Variants in LARP1B observed in about 807,000 individuals in gnomAD.
The protein encoded by LARP1B is La ribonucleoprotein 1B.
In LARP1B, 76 loss-of-function variants were observed where a neutral mutation model predicts 114.2. The ratio of observed to expected loss-of-function variants is 0.67; its 90% CI spans 0.55 to 0.81. LARP1B has a LOEUF of 0.81. Ranked by LOEUF, LARP1B falls within the 30% of genes least tolerant of loss-of-function variation. The pLI, the probability that LARP1B is intolerant of heterozygous loss-of-function variation, is 0.00. For missense variants in LARP1B, 1,014 were observed against 1,075.8 expected, an observed-to-expected ratio of 0.94 and a Z score of 0.80; for synonymous variants, 345 against 348.0, an observed-to-expected ratio of 0.99 and a Z score of 0.10.
At chr4:128,070,957 G>A (rs1765062013) in intron 1 of LARP1B, among the ~76,000 whole-genome samples, 1 of 152,066 alleles carries the variant, frequency 6.6e-6, no homozygotes, top group South Asian at 2.1e-4. Context: ...TTTCTCTAGG[G>A]TAGATGCTGA....
chr4:128,088,025 T>C (rs1380777567), intron 5 of LARP1B, among the ~76,000 whole-genome samples: 1 of 151,856 alleles, frequency 6.6e-6, no homozygotes, highest in Non-Finnish European at 1.5e-5. Context: ...GACAAAGTTA[T>C]ACAGAACAAC....
intron 7 of LARP1B, among the ~76,000 whole-genome samples, chr4:128,222,085 TTTAA>T (rs1760078731): frequency 6.6e-6 from 1 of 152,190 alleles, no homozygotes; most frequent in Non-Finnish European, 1.5e-5. Context: ...CTTAAAACAT[TTTAA>T]TTAGTAAGGA....
intron 11 of LARP1B, among the ~76,000 whole-genome samples, chr4:128,133,070 A>G (rs2150124301): frequency 6.6e-6 from 1 of 152,296 alleles, no homozygotes; most frequent in South Asian, 2.1e-4. Context: ...GAGCTCAGGC[A>G]GTAATGAGAG....
chr4:128,220,421 T>C, exon 7 of LARP1B: 3 of 846,392 alleles, frequency 3.5e-6, no homozygotes, highest in Non-Finnish European at 4.3e-6. Context: ...ATGTCAGATC[T>C]GTAGACTTTT....
intron 11 of LARP1B, 91 bp downstream of exon 11, chr4:128,122,279 A>G (rs1315627800): frequency 6.5e-7 from 1 of 1,540,178 alleles, no homozygotes; most frequent in East Asian, 2.3e-5. Flanking sequence ...GCTCTATTTT[A>G]TGAAATGTTG....
chr4:128,110,365 A>G (rs1382894552), intron 9 of LARP1B, among the ~76,000 whole-genome samples: 1 of 151,848 alleles, frequency 6.6e-6, no homozygotes, highest in Non-Finnish European at 1.5e-5. Flanking sequence ...ATTAGGGTTT[A>G]CTATTACCCT....
chr4:128,064,271 C>CAAAAAA (rs10679400), intron 1 of LARP1B, among the ~76,000 whole-genome samples: 45,507 of 78,946 alleles, frequency 0.58, 16,135 homozygotes, highest in Middle Eastern at 0.85. Flanking sequence ...GACTCAGTCT[C>CAAAAAA]AAAAAAAAAA....
At chr4:128,151,788 G>A (rs974999388) in intron 11 of LARP1B, among the ~76,000 whole-genome samples, 1 of 152,066 alleles carries the variant, frequency 6.6e-6, no homozygotes, top group African/African-American at 2.4e-5. Flanking sequence ...ATTTTCAGTA[G>A]AGACAAGGTT....
intron 1 of LARP1B, among the ~76,000 whole-genome samples, chr4:128,065,315 T>TTCTTTCTTTCTCTC (rs1300396452): frequency 1.2e-5 from 1 of 80,592 alleles, no homozygotes; most frequent in African/African-American, 4.5e-5. Flanking sequence ...CTTTCTTTCT[T>TTCTTTCTTTCTCTC]TCTCTCTCTC....
At chr4:128,164,458 GAATT>G (rs1286410902) in intron 12 of LARP1B, among the ~76,000 whole-genome samples, 4 of 152,076 alleles carry the variant, frequency 2.6e-5, no homozygotes, top group Admixed American at 1.3e-4. Flanking sequence ...CATTAACAAA[GAATT>G]AATATCATAG....
At chr4:128,130,793 G>A (rs1791313226) in intron 11 of LARP1B, among the ~76,000 whole-genome samples, 2 of 152,166 alleles carry the variant, frequency 1.3e-5, no homozygotes, top group Admixed American at 1.3e-4. Context: ...CTTTGAATAG[G>A]TGGATGGATA....
rs1735543561 is a variant in LARP1B at position 128,156,178 on chromosome 4, G to A, written c.1525-6016G>A. ...CGGAGACCCATCCTCTGACCCCCTT[G>A]GCTCTCCAACCCTCCTCGCTTTGTG... On this transcript the variant is annotated intron_variant, in intron 11 of 19. Transcript: ENST00000326639. 9 of 1,609,574 alleles carry A rather than the reference G, an allele frequency of 5.6e-6. No individual in the cohort carries two copies. In the South Asian group the frequency reaches 6.6e-5, roughly 12 times the overall value.
chr4:128,154,392 C>A (rs1391946015), intron 11 of LARP1B, among the ~76,000 whole-genome samples: 1 of 152,084 alleles, frequency 6.6e-6, no homozygotes, highest in Non-Finnish European at 1.5e-5. Flanking sequence ...ATGATTATTT[C>A]TCTGTTTTTC....
intron 8 of LARP1B, among the ~76,000 whole-genome samples, chr4:128,106,680 C>G (rs1457804285): frequency 6.6e-6 from 1 of 151,130 alleles, no homozygotes; most frequent in African/African-American, 2.4e-5. Flanking sequence ...CCTCAGTTTC[C>G]TCATCTATAT....
Position 128,207,244 on chromosome 4 carries a change from C to G in LARP1B, c.2420-12C>G. 7.9e-7 allele frequency: 1 copy of G among 1,265,824 alleles called. No individual in the cohort carries two copies. The highest frequency in any genetic ancestry group is 1.1e-6 in the Non-Finnish European group (1 of 943,826). 78.4% of individuals were successfully genotyped at this position (1,265,824 alleles called of 1,614,324 possible). On this transcript the variant is annotated splice_polypyrimidine_tract_variant and intron_variant, in intron 18 of 19. Transcript: ENST00000326639. ...CATATAATTCATAATGTATATTATTCTTTGTTATTAGGTCAGCTGTATGGA... is the reference window on the plus strand; with the variant it reads ...CATATAATTCATAATGTATATTATTGTTTGTTATTAGGTCAGCTGTATGGA...
chr4:128,096,976 G>A (rs1778279491), intron 7 of LARP1B, among the ~76,000 whole-genome samples: 1 of 152,036 alleles, frequency 6.6e-6, no homozygotes, highest in Non-Finnish European at 1.5e-5. Flanking sequence ...CCTGTTCACT[G>A]CAACCTCTGC....
intron 11 of LARP1B, among the ~76,000 whole-genome samples, chr4:128,139,165 A>C (rs1406911615): frequency 6.6e-6 from 1 of 152,112 alleles, no homozygotes; most frequent in Non-Finnish European, 1.5e-5. Context: ...AAATAAAGAA[A>C]AATATTTGAG....
chr4:128,174,729 A>G (rs1745184068), intron 12 of LARP1B, among the ~76,000 whole-genome samples: 1 of 152,034 alleles, frequency 6.6e-6, no homozygotes, highest in Non-Finnish European at 1.5e-5. Flanking sequence ...CTCCCGATCT[A>G]TTCCTGGTGT....
In LARP1B at chr4:128,162,309, C is replaced by G; in HGVS notation, c.1640C>G (p.Ser547Cys). 6.2e-7 allele frequency: 1 copy of G among 1,612,454 alleles called. No individual in the cohort carries two copies. Among genetic ancestry groups the G allele is most frequent in the Non-Finnish European group, 8.5e-7 (1 of 1,179,032 alleles). ...NQEVPVAPSQ[S>C]RQGGVQGVLH... Reference sequence around the variant, plus strand: ...GAAGTTCCTGTAGCACCTTCACAGTCCAGGCAAGGTATGTAAATCTGCTTT... The same window carrying G: ...GAAGTTCCTGTAGCACCTTCACAGTGCAGGCAAGGTATGTAAATCTGCTTT... Residue 547 changes from serine to cysteine, a missense_variant, in exon 12 of 20, where the codon TCC becomes TGC. By Grantham distance (112) the Ser-to-Cys change is moderately radical (BLOSUM62 -1). Coordinates refer to ENST00000326639, the MANE Select transcript of LARP1B (RefSeq NM_018078.4).
Sources: allele counts gnomAD v4.1 joint callset (sites outside exome capture counted in the v4.1 genomes callset), GRCh38; gene constraint gnomAD v4.1.1; transcripts MANE v1.5; gene names NCBI Gene and HGNC (gene_info 2026-07-23, HGNC 2026-07-21).